Variants in CASTOR2 observed in about 807,000 individuals in gnomAD.
CASTOR2 encodes the protein GATS protein like 2.
Under a neutral mutation model 31.2 loss-of-function variants are expected in CASTOR2, and 8 were observed. The ratio of observed to expected loss-of-function variants is 0.26; its 90% CI spans 0.15 to 0.46. CASTOR2 has a LOEUF of 0.46. Ranked by LOEUF, CASTOR2 falls within the 20% of genes least tolerant of loss-of-function variation. The pLI, the probability that CASTOR2 is intolerant of heterozygous loss-of-function variation, is 0.99. For synonymous variants in CASTOR2, 162 were observed against 158.7 expected (o/e 1.02, Z -0.16); for missense variants, 216 against 382.1 (o/e 0.57, Z 3.62).
At chr7:74,990,745 C>T (rs1804189488) in intron 1 of CASTOR2, among the ~76,000 whole-genome samples, 1 of 152,122 alleles carries the variant, frequency 6.6e-6, no homozygotes, top group Non-Finnish European at 1.5e-5. Flanking sequence ...ATCCCAGCTA[C>T]TCGGGAGGCT....
In CASTOR2 at chr7:75,029,722, G is replaced by C. The variant is rs897087171; in HGVS notation, c.*5023G>C. Among the ~76,000 whole-genome samples, 3 of 152,170 alleles carry C rather than the reference G, an allele frequency of 2.0e-5. No homozygotes were observed. Among genetic ancestry groups the C allele is most frequent in the African/African-American group, 4.8e-5 (2 of 41,436 alleles). On this transcript the variant is annotated 3_prime_UTR_variant, in exon 9 of 9. Coordinates refer to ENST00000616305, the MANE Select transcript of CASTOR2 (RefSeq NM_001145064.3). ...AGAAGCACCCCCAACCTTCTAGTCC[G>C]CTCCGAGCAGGGCCTGGAGCATTGG... is the stretch of plus-strand genomic sequence containing the variant.
At chr7:74,975,048 A>C (rs1803769542) in intron 1 of CASTOR2, among the ~76,000 whole-genome samples, 1 of 151,054 alleles carries the variant, frequency 6.6e-6, no homozygotes, top group Non-Finnish European at 1.5e-5. Flanking sequence ...GGCTCACTGC[A>C]ACCTCTGCCT....
Position 75,002,807 on chromosome 7 carries a change from G to A in CASTOR2, c.114-5187G>A, listed in dbSNP as rs1274293878. ...GACCTTCGAGTATAGAAGACATGGG[G>A]TCCTGTGGAGTGGCTCACACCCATA... On this transcript the variant is annotated intron_variant, in intron 1 of 8. Transcript: ENST00000616305. Among the ~76,000 whole-genome samples the A allele has an allele frequency of 4.6e-5, 7 of 152,150 alleles. 1 individual carries two copies. Among genetic ancestry groups the A allele is most frequent in the African/African-American group, 1.4e-4 (6 of 41,538 alleles).
intron 1 of CASTOR2, among the ~76,000 whole-genome samples, chr7:74,983,331 T>C (rs1392971907): frequency 2.0e-4 from 30 of 151,466 alleles, no homozygotes; most frequent in African/African-American, 4.2e-4. Context: ...TCTTCTTCTT[T>C]TTTTTTTAAT....
rs1448930319 is a variant in CASTOR2, at chr7:75,026,215, A to G, written c.*1516A>G. ...TTTTTTTTTTTTTTTTTGAGATGGG[A>G]GTCTGGCTCTGTTGCCTAGGCTGGA... On this transcript the variant is annotated 3_prime_UTR_variant, in exon 9 of 9. Coordinates refer to ENST00000616305, the MANE Select transcript of CASTOR2 (RefSeq NM_001145064.3). 1.0e-3 allele frequency among the ~76,000 whole-genome samples: 62 copies of G among 61,166 alleles called. No individual in the cohort carries two copies. The highest frequency in any genetic ancestry group is 2.2e-3 in the Admixed American group (12 of 5,560). 40.1% of individuals were successfully genotyped at this position (61,166 alleles called of 152,430 possible).
At chr7:75,006,167 C>A (rs1804601304) in intron 1 of CASTOR2, among the ~76,000 whole-genome samples, 1 of 152,096 alleles carries the variant, frequency 6.6e-6, no homozygotes, top group Non-Finnish European at 1.5e-5. Context: ...GCCTGTAGTT[C>A]CAGCTACTCA....
At chr7:75,020,851 C>T (rs1310509676) in intron 6 of CASTOR2, among the ~76,000 whole-genome samples, 1 of 152,096 alleles carries the variant, frequency 6.6e-6, no homozygotes, top group African/African-American at 2.4e-5. Context: ...TGCTGGAGTG[C>T]AGTGGTGCAG....
Position 75,017,506 on chromosome 7 carries a change from G to A in CASTOR2, c.185-92G>A, listed in dbSNP as rs1804892840. 4 of 1,447,628 alleles carry A rather than the reference G, an allele frequency of 2.8e-6. No individual in the cohort carries two copies. In the Admixed American group the frequency reaches 7.8e-5, roughly 28 times the overall value. The allele number at this position is 1,447,628 out of a possible 1,614,324, so 89.7% of individuals were successfully genotyped here. ...GGCACAGGGTGGAGCTGGCCCCAGA[G>A]CATCACTCTCCACCTCTGGCCTGCC... is the stretch of plus-strand genomic sequence containing the variant. On this transcript the variant is annotated intron_variant, in intron 2 of 8. Coordinates refer to ENST00000616305, the MANE Select transcript of CASTOR2 (RefSeq NM_001145064.3).
At position 75,026,188 on chromosome 7, in the gene CASTOR2, G is replaced by GTTTTTTTTTTTTTTTTTTTTTTTT. The variant is rs1178084776; in HGVS notation, c.*1489_*1490insTTTTTTTTTTTTTTTTTTTTTTTT. 6.0e-3 allele frequency among the ~76,000 whole-genome samples: 684 copies of GTTTTTTTTTTTTTTTTTTTTTTTT among 113,126 alleles called. 35 individuals are homozygous for GTTTTTTTTTTTTTTTTTTTTTTTT. Among genetic ancestry groups the GTTTTTTTTTTTTTTTTTTTTTTTT allele is most frequent in the Non-Finnish European group, 0.01 (514 of 51,400 alleles). 74.2% of individuals were successfully genotyped at this position (113,126 alleles called of 152,430 possible). A position where few individuals can be genotyped will look rare whatever the true frequency, so the allele number is the denominator to read the frequency against. On this transcript the variant is annotated 3_prime_UTR_variant, in exon 9 of 9. Transcript: ENST00000616305. ...CCCCTGTGGTTTTGGCTCTGGCGGG[G>GTTTTTTTTTTTTTTTTTTTTTTTT]GTTTTTTTTTTTTTTTTTGAGATGG...
chr7:74,986,389 G>T (rs1212427490), intron 1 of CASTOR2, among the ~76,000 whole-genome samples: 1 of 151,816 alleles, frequency 6.6e-6, no homozygotes, highest in Non-Finnish European at 1.5e-5. Context: ...TACTCGGGAG[G>T]CTGAGGCAGA....
chr7:75,022,788 G>A (rs1409189903), intron 7 of CASTOR2, among the ~76,000 whole-genome samples: 1 of 152,086 alleles, frequency 6.6e-6, no homozygotes, highest in Non-Finnish European at 1.5e-5. Flanking sequence ...AACAGAGCAA[G>A]ACTCTGTCTC....
At chr7:74,995,387 G>A (rs1804317041) in intron 1 of CASTOR2, among the ~76,000 whole-genome samples, 2 of 151,610 alleles carry the variant, frequency 1.3e-5, no homozygotes, top group African/African-American at 4.8e-5. Context: ...CGGGCACAGT[G>A]GCTGACACAG....
chr7:75,017,214 T>A (rs1344170980), intron 2 of CASTOR2, among the ~76,000 whole-genome samples: 4 of 151,956 alleles, frequency 2.6e-5, no homozygotes, highest in African/African-American at 9.7e-5. Flanking sequence ...TTGGGGAGGC[T>A]GATGCGGGCG....
chr7:74,986,140 G>A (rs1804059172), intron 1 of CASTOR2, among the ~76,000 whole-genome samples: 1 of 151,884 alleles, frequency 6.6e-6, no homozygotes, highest in South Asian at 2.1e-4. Flanking sequence ...ACGTTGGCCA[G>A]GCTGGTCTTG....
rs1195135148 is a variant in CASTOR2 at position 74,969,965 on chromosome 7, CACTAGCT to C, written c.113+4868_113+4874del. On this transcript the variant is annotated intron_variant, in intron 1 of 8. Transcript: ENST00000616305. ...GCCATATTTTGCAGAGCGGTGAAGA[CACTAGCT>C]TTGGAGAAGTACAATGGCAAGGTCG... 3.4e-5 allele frequency among the ~76,000 whole-genome samples: 5 copies of C among 147,528 alleles called. No individual in the cohort carries two copies. In the East Asian group the frequency reaches 1.0e-3, roughly 30 times the overall value.
At chr7:75,011,706 G>T (rs1804749951) in intron 2 of CASTOR2, among the ~76,000 whole-genome samples, 1 of 129,116 alleles carries the variant, frequency 7.7e-6, no homozygotes, top group Non-Finnish European at 1.5e-5. Flanking sequence ...CTGCACTCCA[G>T]CCTGGGCAAC....
chr7:74,993,178 A>G (rs1554437551), intron 1 of CASTOR2, among the ~76,000 whole-genome samples: 1 of 152,184 alleles, frequency 6.6e-6, no homozygotes, highest in Non-Finnish European at 1.5e-5. Flanking sequence ...CAGCCTGGCA[A>G]CAGAGCAAGA....
chr7:75,002,566 A>AGCCAAGATGGCACCACTGC (rs1804521047), intron 1 of CASTOR2, among the ~76,000 whole-genome samples: 1 of 152,114 alleles, frequency 6.6e-6, no homozygotes, highest in Non-Finnish European at 1.5e-5. Flanking sequence ...GGTTGCAGTG[A>AGCCAAGATGGCACCACTGC]GCCAAGATGG....
intron 1 of CASTOR2, among the ~76,000 whole-genome samples, chr7:74,998,911 C>G (rs1346857284): frequency 2.6e-5 from 4 of 152,098 alleles, no homozygotes; most frequent in Non-Finnish European, 5.9e-5. Context: ...CCATAATCAC[C>G]CTGGAATTTG....
Sources: gnomAD v4.1 joint callset for allele counts (sites outside exome capture counted in the v4.1 genomes callset) on GRCh38, gnomAD v4.1.1 for gene constraint, MANE v1.5 for transcripts, NCBI Gene and HGNC (gene_info 2026-07-23, HGNC 2026-07-21) for gene names.